The following ZNF469 variants were observed in gnomAD, a reference collection of about 807,000 sequenced individuals.
ZNF469 encodes zinc finger protein 469.
Under a neutral mutation model 1.0 loss-of-function variants are expected in ZNF469, and 1 was observed. The ratio of observed to expected loss-of-function variants is 1.00; its 90% confidence interval spans 0.35 to 4.73. The LOEUF is 4.73. Among genes scored for constraint, ZNF469 ranks in the 30% most tolerant of loss-of-function variants. ZNF469 has a pLI of 0.16. For synonymous variants in ZNF469, 2,703 were observed against 2,363.4 expected (o/e 1.14, Z -4.17); for missense variants, 6,100 against 5,356.3 (o/e 1.14, Z -4.33).
At chr16:88,213,626 A>T in the ZNF469 span, among the ~76,000 whole-genome samples, 1 of 152,126 alleles carries the variant, frequency 6.6e-6, no homozygotes, top group Non-Finnish European at 1.5e-5. Flanking sequence ...ACTCATCACG[A>T]TGCCATTTCC....
chr16:88,161,569 C>T, the ZNF469 span, among the ~76,000 whole-genome samples: 1 of 152,202 alleles, frequency 6.6e-6, no homozygotes, highest in Non-Finnish European at 1.5e-5. Context: ...GTCCTTGCCT[C>T]TGTAAATCAA....
chr16:88,405,790 C>T (rs1419821789), intron 1 of ZNF469, among the ~76,000 whole-genome samples: 1 of 152,232 alleles, frequency 6.6e-6, no homozygotes, highest in African/African-American at 2.4e-5. Flanking sequence ...CCTGCCAAGC[C>T]CTGCCCAGCC....
chr16:88,130,748 C>T, the ZNF469 span, among the ~76,000 whole-genome samples: 1 of 151,248 alleles, frequency 6.6e-6, no homozygotes, highest in East Asian at 1.9e-4. Flanking sequence ...ATAAAAACGG[C>T]AGCGCAGCCT....
chr16:88,154,968 G>A, the ZNF469 span, among the ~76,000 whole-genome samples: 28 of 152,214 alleles, frequency 1.8e-4, no homozygotes, highest in East Asian at 7.7e-4. Flanking sequence ...GGTTCAACCC[G>A]TGCTTTAATG....
At chr16:88,406,721 T>A (rs924851851) in intron 1 of ZNF469, among the ~76,000 whole-genome samples, 2 of 152,084 alleles carry the variant, frequency 1.3e-5, no homozygotes, top group Non-Finnish European at 2.9e-5. Context: ...GGCTACAGAG[T>A]CCTCTCTGTG....
Position 88,430,736 on chromosome 16 carries a change from T to C in ZNF469, c.3266T>C (p.Leu1089Pro), listed in dbSNP as rs1231350771. The change falls in exon 3 of 3, where the codon CTC becomes CCC. Residue 1089 changes from leucine to proline, a missense_variant. Coordinates refer to ENST00000565624, the MANE Select transcript of ZNF469 (RefSeq NM_001367624.2). ...RPRPGAEDRR[L>P]REYDFASESE... ...CGGCCCGGAGCTGAGGACCGCAGGC[T>C]CCGCGAGTACGACTTCGCCTCGGAG... 1.3e-6 allele frequency: 2 copies of C among 1,499,972 alleles called. No individual in the cohort carries two copies. The highest frequency in any genetic ancestry group is 8.8e-7 in the Non-Finnish European group (1 of 1,132,036). The allele number at this position is 1,499,972 out of a possible 1,614,324, so 92.9% of individuals were successfully genotyped here. A position where few individuals can be genotyped will look rare whatever the true frequency, so the allele number is the denominator to read the frequency against.
chr16:88,327,574 G>T, the ZNF469 span, among the ~76,000 whole-genome samples: 51 of 152,188 alleles, frequency 3.4e-4, no homozygotes, highest in African/African-American at 1.2e-3. Context: ...CTGTGCTCAC[G>T]GTGGGCTGCG....
At chr16:88,381,096 A>G (rs1424445562), upstream of ZNF469, among the ~76,000 whole-genome samples, 2 of 142,082 alleles carry the variant, frequency 1.4e-5, no homozygotes, top group African/African-American at 2.8e-5. Flanking sequence ...GCACTCACAC[A>G]CCCGGACATG....
chr16:88,129,339 C>T, the ZNF469 span, among the ~76,000 whole-genome samples: 4 of 152,332 alleles, frequency 2.6e-5, no homozygotes, highest in East Asian at 1.9e-4. Flanking sequence ...AGGAGGTCCT[C>T]GGTGAGTCTT....
At chr16:88,266,603 G>A in the ZNF469 span, among the ~76,000 whole-genome samples, 2 of 152,362 alleles carry the variant, frequency 1.3e-5, no homozygotes, top group East Asian at 1.9e-4. Flanking sequence ...AGCAGTAGAA[G>A]GTTGGTGGTT....
At chr16:88,161,611 A>C in the ZNF469 span, among the ~76,000 whole-genome samples, 7 of 152,316 alleles carry the variant, frequency 4.6e-5, no homozygotes, top group East Asian at 1.4e-3. Flanking sequence ...AACTTTTCGT[A>C]TGTGAGTGCT....
At chr16:88,264,376 G>A in the ZNF469 span, among the ~76,000 whole-genome samples, 2 of 151,680 alleles carry the variant, frequency 1.3e-5, no homozygotes, top group African/African-American at 4.8e-5. Flanking sequence ...CTCTCCCATG[G>A]CCCCCTTTGA....
the ZNF469 span, among the ~76,000 whole-genome samples, chr16:88,138,306 G>A: frequency 6.6e-6 from 1 of 152,256 alleles, no homozygotes; most frequent in South Asian, 2.1e-4. Context: ...GCTGGGATCG[G>A]CCCCTCCCCT....
chr16:88,388,978 A>G (rs1567498143), intron 1 of ZNF469, among the ~76,000 whole-genome samples: 1 of 152,240 alleles, frequency 6.6e-6, no homozygotes, highest in Non-Finnish European at 1.5e-5. Context: ...TGTGCCTTAC[A>G]CCAGCCCTTC....
chr16:88,387,459 C>T (rs1904368427), intron 1 of ZNF469, among the ~76,000 whole-genome samples: 3 of 152,192 alleles, frequency 2.0e-5, no homozygotes, highest in Non-Finnish European at 2.9e-5. Flanking sequence ...ATGCCCCACC[C>T]CCTTGGCTGC....
Position 88,431,797 on chromosome 16 carries a change from A to T in ZNF469, c.4327A>T (p.Arg1443Trp), listed in dbSNP as rs746794907. The change falls in exon 3 of 3, where the codon AGG becomes TGG. Residue 1443 changes from arginine to tryptophan, a missense_variant. By Grantham distance (101) the Arg-to-Trp change is moderately radical. Transcript: ENST00000565624. Reference sequence around the variant, plus strand: ...TGGCACCGCTGAGACGGAGCCAGGCAGGGCTGCATCGCCACCGACCTTGGA... The same window carrying T: ...TGGCACCGCTGAGACGGAGCCAGGCTGGGCTGCATCGCCACCGACCTTGGA... ...PPGTAETEPG[R>W]AASPPTLESS... 1 of 1,549,834 alleles carries T rather than the reference A, an allele frequency of 6.5e-7. No individual in the cohort carries two copies. The highest frequency in any genetic ancestry group is 1.2e-5 in the South Asian group (1 of 84,060).
At chr16:88,392,888 T>C (rs946259054) in intron 1 of ZNF469, among the ~76,000 whole-genome samples, 18 of 152,226 alleles carry the variant, frequency 1.2e-4, no homozygotes, top group Non-Finnish European at 1.5e-5. Flanking sequence ...CTTGTAGATC[T>C]GTGGTTTGCC....
the ZNF469 span, among the ~76,000 whole-genome samples, chr16:88,159,485 G>A: frequency 2.6e-5 from 4 of 152,114 alleles, no homozygotes; most frequent in Non-Finnish European, 4.4e-5. Flanking sequence ...GCACGGAAGC[G>A]CTTCAGGGAT....
intron 1 of ZNF469, among the ~76,000 whole-genome samples, chr16:88,418,215 A>T (rs1275019637): frequency 1.3e-5 from 2 of 152,148 alleles, no homozygotes; most frequent in African/African-American, 4.8e-5. Context: ...ACAGCAGCAA[A>T]TGGACACCAT....
Sources: gnomAD v4.1 joint callset for allele counts (sites outside exome capture counted in the v4.1 genomes callset) on GRCh38, gnomAD v4.1.1 for gene constraint, MANE v1.5 for transcripts, NCBI Gene and HGNC (gene_info 2026-07-23, HGNC 2026-07-21) for gene names.